PLXDC2: variants seen among roughly 807,000 people sequenced by gnomAD.
PLXDC2 encodes the protein plexin domain-containing protein 2.
A neutral mutation model predicts 68.9 loss-of-function variants in PLXDC2; 40 were observed. The observed-to-expected ratio is 0.58, with a 90% confidence interval of 0.45 to 0.76. The LOEUF is 0.76. Ranked by LOEUF, PLXDC2 falls within the 30% of genes least tolerant of loss-of-function variation. PLXDC2 has a pLI of 0.00. For synonymous variants in PLXDC2, 243 were observed against 234.2 expected (o/e 1.04, Z -0.34); for missense variants, 644 against 661.9 (o/e 0.97, Z 0.30).
intron 5 of PLXDC2, among the ~76,000 whole-genome samples, chr10:20,147,168 T>G (rs949474828): frequency 1.3e-5 from 2 of 152,168 alleles, no homozygotes; most frequent in African/African-American, 2.4e-5. Flanking sequence ...CACTGAAGTT[T>G]CATCCCAGTG....
intron 4 of PLXDC2, among the ~76,000 whole-genome samples, chr10:20,076,364 A>G (rs887924693): frequency 3.9e-5 from 6 of 152,198 alleles, no homozygotes; most frequent in African/African-American, 1.4e-4. Context: ...AGCCAAGGCA[A>G]TCGTAACTGT....
intron 4 of PLXDC2, among the ~76,000 whole-genome samples, chr10:20,095,868 G>A (rs1198383980): frequency 6.6e-6 from 1 of 152,128 alleles, no homozygotes; most frequent in African/African-American, 2.4e-5. Context: ...CTGAAGATGA[G>A]ATGACTTATT....
chr10:19,924,266 A>C (rs759543997), intron 1 of PLXDC2, among the ~76,000 whole-genome samples: 3 of 152,004 alleles, frequency 2.0e-5, no homozygotes, highest in Non-Finnish European at 4.4e-5. Flanking sequence ...CGTTTTCCTA[A>C]CATTTGGTGC....
chr10:19,891,455 T>C (rs1229361394), intron 1 of PLXDC2, among the ~76,000 whole-genome samples: 2 of 152,244 alleles, frequency 1.3e-5, no homozygotes, highest in African/African-American at 4.8e-5. Context: ...ATCTATTAGA[T>C]TGTGCTATAG....
rs562740658 is a variant in PLXDC2 at position 19,944,201 on chromosome 10, G to A, written c.113-57574G>A. Among the ~76,000 whole-genome samples, 12 of 152,236 alleles carry A rather than the reference G, an allele frequency of 7.9e-5. No homozygotes were observed. The South Asian group carries it at 2.5e-3, about 32-fold the overall frequency. On this transcript the variant is annotated intron_variant, in intron 1 of 13. Transcript: ENST00000377252. ...ATATTCTCCCGAAGAATAGAGAAGT[G>A]AAAGGTATAATCCCACTGAGAAGCC...
chr10:20,208,832 A>G (rs1255542938), intron 9 of PLXDC2, among the ~76,000 whole-genome samples: 12 of 152,048 alleles, frequency 7.9e-5, no homozygotes, highest in Admixed American at 7.9e-4. Flanking sequence ...GTACAAAAGG[A>G]GAAATTTTAA....
At chr10:19,832,515 T>C (rs1836712861) in intron 1 of PLXDC2, among the ~76,000 whole-genome samples, 1 of 152,260 alleles carries the variant, frequency 6.6e-6, no homozygotes, top group Non-Finnish European at 1.5e-5. Context: ...TTAAAACATA[T>C]GACATTTCAT....
chr10:19,998,958 C>T (rs1834884284), intron 1 of PLXDC2, among the ~76,000 whole-genome samples: 1 of 152,110 alleles, frequency 6.6e-6, no homozygotes, highest in Non-Finnish European at 1.5e-5. Flanking sequence ...AGTACAAAAA[C>T]AAGAGTTTGA....
chr10:19,949,596 G>C (rs1042947083), intron 1 of PLXDC2, among the ~76,000 whole-genome samples: 9 of 152,314 alleles, frequency 5.9e-5, no homozygotes, highest in African/African-American at 1.7e-4. Flanking sequence ...GCTTATGTTA[G>C]AGTGTATAAG....
intron 1 of PLXDC2, among the ~76,000 whole-genome samples, chr10:19,943,815 A>G (rs529676354): frequency 3.9e-5 from 6 of 152,322 alleles, no homozygotes; most frequent in African/African-American, 1.2e-4. Context: ...AAAATGGGCT[A>G]TTTCAGTGAC....
chr10:19,835,315 C>G (rs1356989197), intron 1 of PLXDC2, among the ~76,000 whole-genome samples: 1 of 152,088 alleles, frequency 6.6e-6, no homozygotes, highest in African/African-American at 2.4e-5. Context: ...AAGGGCAGGT[C>G]TAGAGATAGA....
chr10:19,846,828 A>G (rs776840652), intron 1 of PLXDC2, among the ~76,000 whole-genome samples: 40 of 152,234 alleles, frequency 2.6e-4, no homozygotes, highest in Admixed American at 4.6e-4. Context: ...AGAGAGATAC[A>G]CCAGAGACTG....
intron 1 of PLXDC2, among the ~76,000 whole-genome samples, chr10:19,874,810 G>T (rs1350647958): frequency 6.6e-6 from 1 of 152,184 alleles, no homozygotes. Flanking sequence ...AAAGCTGAGT[G>T]CTTGTCTAGG....
intron 1 of PLXDC2, among the ~76,000 whole-genome samples, chr10:19,902,109 C>A (rs773465008): frequency 5.9e-5 from 9 of 152,120 alleles, no homozygotes; most frequent in Non-Finnish European, 1.3e-4. Flanking sequence ...TAATGTGATG[C>A]CTCCAGATTT....
chr10:19,845,632 G>C (rs1373092764), intron 1 of PLXDC2, among the ~76,000 whole-genome samples: 1 of 152,196 alleles, frequency 6.6e-6, no homozygotes, highest in East Asian at 1.9e-4. Context: ...TATGAAAGAG[G>C]CAGTGTTATA....
rs1836117260 is a variant in PLXDC2 at position 20,284,158 on chromosome 10, T to C, written c.*4339T>C. 1 of 150,780 alleles carries C rather than the reference T, an allele frequency of 6.6e-6. No individual in the cohort carries two copies. Among genetic ancestry groups the C allele is most frequent in the South Asian group, 2.1e-4 (1 of 4,816 alleles). 9.3% of individuals were successfully genotyped at this position (150,780 alleles called of 1,614,324 possible). On this transcript the variant is annotated 3_prime_UTR_variant, in exon 14 of 14. Coordinates refer to ENST00000377252, the MANE Select transcript of PLXDC2 (RefSeq NM_032812.9). ...GTTCTAATTTCTTCCTCCTGTGAAA[T>C]GTTCTTTTGGTTTGTATTTCTTTAG...
chr10:19,833,292 G>A (rs1411197330), intron 1 of PLXDC2, among the ~76,000 whole-genome samples: 3 of 152,206 alleles, frequency 2.0e-5, no homozygotes, highest in Admixed American at 1.3e-4. Context: ...AGGCCAATGA[G>A]AGCCTTTGAT....
intron 4 of PLXDC2, among the ~76,000 whole-genome samples, chr10:20,090,357 G>A (rs370374514): frequency 3.3e-5 from 5 of 152,138 alleles, no homozygotes; most frequent in African/African-American, 9.7e-5. Context: ...AATGGTAATA[G>A]AGGATTAGGA....
At chr10:19,973,486 G>T (rs537030014) in intron 1 of PLXDC2, among the ~76,000 whole-genome samples, 1 of 150,274 alleles carries the variant, frequency 6.7e-6, no homozygotes, top group South Asian at 2.1e-4. Flanking sequence ...TTTGTTCAAA[G>T]ATACTTTAGG....
Sources: allele counts gnomAD v4.1 joint callset (sites outside exome capture counted in the v4.1 genomes callset), GRCh38; gene constraint gnomAD v4.1.1; transcripts MANE v1.5; gene names NCBI Gene and HGNC (gene_info 2026-07-23, HGNC 2026-07-21).